Variants in LINGO2 observed in about 807,000 individuals in gnomAD.
LINGO2 encodes the protein leucine rich repeat and Ig domain containing 2.
In LINGO2, 14 loss-of-function variants were observed where a neutral mutation model predicts 30.6. That is an observed-to-expected ratio of 0.46 (90% confidence interval 0.30 to 0.72). The LOEUF (loss-of-function observed/expected upper bound fraction) is 0.72, where lower values mean the gene tolerates loss of function less well. Among genes scored for constraint, LINGO2 ranks in the 30% least tolerant of loss-of-function variants. LINGO2 has a pLI of 0.07. For missense variants in LINGO2, 729 were observed against 751.7 expected (o/e 0.97, Z 0.35); for synonymous variants, 317 against 288.5 (o/e 1.10, Z -1.00).
the LINGO2 span, among the ~76,000 whole-genome samples, chr9:29,057,291 T>A: frequency 2.9e-4 from 44 of 152,186 alleles, no homozygotes; most frequent in Non-Finnish European, 6.0e-4. Context: ...CTAATTTTGA[T>A]AATGTAATTT....
chr9:28,678,190 C>A, the LINGO2 span, among the ~76,000 whole-genome samples: 1 of 151,364 alleles, frequency 6.6e-6, no homozygotes, highest in African/African-American at 2.4e-5. Context: ...ATCTAAAAGG[C>A]CTGGCCTGAT....
chr9:28,518,798 C>T (rs1482676889), intron 1 of LINGO2, among the ~76,000 whole-genome samples: 1 of 152,156 alleles, frequency 6.6e-6, no homozygotes, highest in Non-Finnish European at 1.5e-5. Context: ...CTCCATGTCA[C>T]ATAAAACATT....
chr9:29,094,068 G>A, the LINGO2 span, among the ~76,000 whole-genome samples: 4 of 138,610 alleles, frequency 2.9e-5, 1 homozygote, highest in Non-Finnish European at 4.7e-5. Flanking sequence ...TCTAGTTTCT[G>A]AAGAACATGC....
At position 28,515,976 on chromosome 9, in the gene LINGO2, A is replaced by T. The variant is rs150986554; in HGVS notation, c.-364-39951T>A. On this transcript the variant is annotated intron_variant, in intron 1 of 5. Transcript: ENST00000379992. The stretch of plus-strand genomic sequence containing the variant: ...GCCTTCAGCAACCACCACTCTGATC[A>T]GTCAGCGGCCATCAACATCAAGGCA... 4.1e-3 allele frequency among the ~76,000 whole-genome samples: 631 copies of T among 152,326 alleles called. 4 individuals carry two copies. Among genetic ancestry groups the T allele is most frequent in the Non-Finnish European group, 5.0e-3 (338 of 68,020 alleles).
the LINGO2 span, among the ~76,000 whole-genome samples, chr9:29,119,375 A>G: frequency 7.9e-6 from 1 of 126,320 alleles, no homozygotes; most frequent in Admixed American, 7.9e-5. Context: ...GCACACACAC[A>G]CACCAGTTAA....
At chr9:29,020,580 G>A in the LINGO2 span, among the ~76,000 whole-genome samples, 1 of 82,298 alleles carries the variant, frequency 1.2e-5, no homozygotes, top group Admixed American at 1.5e-4. Context: ...AGAAGGCCAA[G>A]TACCCAAGCT....
the LINGO2 span, among the ~76,000 whole-genome samples, chr9:29,139,532 A>G: frequency 3.5e-4 from 54 of 152,170 alleles, 1 homozygote; most frequent in Non-Finnish European, 1.5e-5. Context: ...ATGGCAAAAT[A>G]TGAAGTCCCA....
At chr9:29,201,111 A>G in the LINGO2 span, among the ~76,000 whole-genome samples, 11 of 152,008 alleles carry the variant, frequency 7.2e-5, no homozygotes, top group African/African-American at 2.7e-4. Context: ...CTTTCTATGC[A>G]TACTGTTTAG....
At chr9:29,045,260 G>A in the LINGO2 span, among the ~76,000 whole-genome samples, 910 of 152,090 alleles carry the variant, frequency 6.0e-3, 9 homozygotes, top group African/African-American at 0.021. Flanking sequence ...GGAATGTTCC[G>A]TTTACTATTT....
chr9:29,049,956 A>T, the LINGO2 span, among the ~76,000 whole-genome samples: 1 of 152,148 alleles, frequency 6.6e-6, no homozygotes. Flanking sequence ...GTACAATTGG[A>T]TTGTTTGCAA....
chr9:28,818,384 TTTTA>T, the LINGO2 span, among the ~76,000 whole-genome samples: 8 of 152,226 alleles, frequency 5.3e-5, no homozygotes, highest in East Asian at 1.5e-3. Flanking sequence ...AACTCATTCT[TTTTA>T]TTTGTTTGTT....
At chr9:28,915,726 C>G in the LINGO2 span, among the ~76,000 whole-genome samples, 2 of 152,074 alleles carry the variant, frequency 1.3e-5, no homozygotes, top group East Asian at 1.9e-4. Flanking sequence ...TAAATAAATT[C>G]TAACTGAAGG....
chr9:28,097,943 C>T (rs775065510), intron 4 of LINGO2, among the ~76,000 whole-genome samples: 1 of 152,122 alleles, frequency 6.6e-6, no homozygotes, highest in African/African-American at 2.4e-5. Flanking sequence ...GGAAAGTCTG[C>T]CAACAGGCCT....
intron 4 of LINGO2, among the ~76,000 whole-genome samples, chr9:28,020,617 CTG>C (rs1823070511): frequency 1.3e-5 from 2 of 152,156 alleles, no homozygotes; most frequent in African/African-American, 2.4e-5. Flanking sequence ...TTTGAGGAGA[CTG>C]TGGAAAATTA....
At chr9:28,999,451 A>G in the LINGO2 span, among the ~76,000 whole-genome samples, 27 of 152,090 alleles carry the variant, frequency 1.8e-4, no homozygotes, top group Middle Eastern at 3.2e-3. Context: ...ATTTCTGTAT[A>G]TATCTTTTTT....
chr9:28,947,576 T>C, the LINGO2 span, among the ~76,000 whole-genome samples: 1 of 151,914 alleles, frequency 6.6e-6, no homozygotes, highest in Non-Finnish European at 1.5e-5. Flanking sequence ...AGCAAGAAAA[T>C]AATCACTGCA....
chr9:28,510,682 ATGTGTGTG>A (rs55645356), intron 1 of LINGO2, among the ~76,000 whole-genome samples: 1 of 150,406 alleles, frequency 6.6e-6, no homozygotes, highest in African/African-American at 2.4e-5. Context: ...CTGTATATAT[ATGTGTGTG>A]TGTGTGTGTG....
chr9:28,834,828 C>A, the LINGO2 span, among the ~76,000 whole-genome samples: 1 of 152,036 alleles, frequency 6.6e-6, no homozygotes, highest in Non-Finnish European at 1.5e-5. Context: ...TTTGTTCCAA[C>A]ATAGTAGGTG....
intron 1 of LINGO2, among the ~76,000 whole-genome samples, chr9:28,595,497 C>A (rs1388288015): frequency 6.6e-6 from 1 of 151,946 alleles, no homozygotes; most frequent in Non-Finnish European, 1.5e-5. Flanking sequence ...TTTCAAAATA[C>A]AATTAATTTC....
Sources: allele counts gnomAD v4.1 joint callset (sites outside exome capture counted in the v4.1 genomes callset), GRCh38; gene constraint gnomAD v4.1.1; transcripts MANE v1.5; gene names NCBI Gene and HGNC (gene_info 2026-07-23, HGNC 2026-07-21).